Variants in TSHR observed in about 807,000 individuals in gnomAD.
TSHR encodes thyrotropin receptor.
TSHR carries 51 observed loss-of-function variants against 64.1 expected under a neutral mutation model. That is an observed-to-expected ratio of 0.80 (90% CI 0.64 to 1.01). The LOEUF is 1.01. Among genes scored for constraint, TSHR ranks in the 50% least tolerant of loss-of-function variants. The probability of loss-of-function intolerance (pLI) is 0.00; values close to 1 mark genes in which losing one functional copy is unlikely to be tolerated. For synonymous variants in TSHR, 361 were observed against 361.9 expected (o/e 1.00, Z 0.03); for missense variants, 877 against 942.8 (o/e 0.93, Z 0.91).
intron 8 of TSHR, among the ~76,000 whole-genome samples, chr14:81,128,995 C>T (rs776167061): frequency 6.6e-6 from 1 of 152,108 alleles, no homozygotes; most frequent in Non-Finnish European, 1.5e-5. Context: ...ACAGAGGATA[C>T]TCCCTAACCC....
At chr14:80,982,826 G>GTAGA in intron 1 of TSHR, 1 of 513,452 alleles carries the variant, frequency 1.9e-6, no homozygotes, top group Admixed American at 2.8e-5. Flanking sequence ...ATCCCTGAGT[G>GTAGA]TCCTTTTGGT....
chr14:81,056,784 T>C (rs17111394), intron 1 of TSHR, among the ~76,000 whole-genome samples: 20,057 of 152,208 alleles, frequency 0.13, 1,591 homozygotes, highest in Non-Finnish European at 0.18. Context: ...CCACTTGGAT[T>C]CTGGCCAGTA....
At chr14:81,071,572 T>A (rs1887069737) in intron 3 of TSHR, among the ~76,000 whole-genome samples, 1 of 152,106 alleles carries the variant, frequency 6.6e-6, no homozygotes, top group Admixed American at 6.6e-5. Context: ...TCAGCCAGCC[T>A]GGACAACATA....
At chr14:81,032,703 G>A (rs751894129) in intron 1 of TSHR, 1 of 427,962 alleles carries the variant, frequency 2.3e-6, no homozygotes, top group Non-Finnish European at 4.6e-6. Context: ...CAAGAAGAAG[G>A]GACTCATGCC....
chr14:80,986,536 G>T (rs1429205723), intron 1 of TSHR, among the ~76,000 whole-genome samples: 1 of 152,046 alleles, frequency 6.6e-6, no homozygotes, highest in Non-Finnish European at 1.5e-5. Flanking sequence ...GCCTAGGCTG[G>T]AGTGTAATGG....
At chr14:81,007,343 G>A (rs1387128470) in intron 1 of TSHR, among the ~76,000 whole-genome samples, 1 of 152,196 alleles carries the variant, frequency 6.6e-6, no homozygotes, top group Non-Finnish European at 1.5e-5. Context: ...TAGTCATCAG[G>A]TCTCCCTGAG....
chr14:81,030,590 A>G (rs572293772), intron 1 of TSHR, among the ~76,000 whole-genome samples: 28 of 152,326 alleles, frequency 1.8e-4, no homozygotes, highest in Admixed American at 2.0e-4. Context: ...TTCTCTTACC[A>G]GTAGTTTTTC....
chr14:80,959,594 C>A (rs2139682549), intron 1 of TSHR: 1 of 152,326 alleles, frequency 6.6e-6, no homozygotes, highest in South Asian at 2.1e-4. Flanking sequence ...TTTAACCCTG[C>A]TTTCAGTTTC....
chr14:81,016,238 C>A (rs777879155), intron 1 of TSHR, among the ~76,000 whole-genome samples: 32 of 152,114 alleles, frequency 2.1e-4, no homozygotes, highest in Admixed American at 3.9e-4. Flanking sequence ...TGCAATCCTA[C>A]CAACAGTCCA....
chr14:81,111,292 T>C lies in TSHR; in HGVS notation c.692+2840T>C, dbSNP rs1053305585. Among the ~76,000 whole-genome samples the C allele has an allele frequency of 1.3e-5, 2 of 152,194 alleles. 1 individual carries two copies. The highest frequency in any genetic ancestry group is 1.3e-4 in the Admixed American group (2 of 15,290). ...GTGTGTTTAGTTGAAGTAGCTGGCT[T>C]ACATCCAGCATACGCTTCTTATCCT... On this transcript the variant is annotated intron_variant, in intron 8 of 9. Transcript: ENST00000298171.
At chr14:81,088,322 T>C (rs1888445453) in intron 4 of TSHR, among the ~76,000 whole-genome samples, 1 of 152,186 alleles carries the variant, frequency 6.6e-6, no homozygotes, top group South Asian at 2.1e-4. Flanking sequence ...AACAAAATTC[T>C]GAGAGCCAGT....
At chr14:80,967,490 G>A (rs1391245031) in intron 1 of TSHR, among the ~76,000 whole-genome samples, 3 of 151,878 alleles carry the variant, frequency 2.0e-5, no homozygotes, top group Non-Finnish European at 4.4e-5. Context: ...TCACCATGTT[G>A]GTCAGGCTGA....
chr14:80,966,283 G>A (rs1028801544), intron 1 of TSHR, among the ~76,000 whole-genome samples: 1 of 152,084 alleles, frequency 6.6e-6, no homozygotes, highest in Non-Finnish European at 1.5e-5. Context: ...CTAAGGACGG[G>A]CATAAATGAG....
intron 1 of TSHR, among the ~76,000 whole-genome samples, chr14:81,037,364 A>T (rs72689920): frequency 0.11 from 15,775 of 146,076 alleles, 1,194 homozygotes; most frequent in Non-Finnish European, 0.16. Flanking sequence ...TACAAAAAAA[A>T]TCACCAAACC....
chr14:81,037,583 T>C (rs1884709860), intron 1 of TSHR, among the ~76,000 whole-genome samples: 1 of 152,098 alleles, frequency 6.6e-6, no homozygotes, highest in Non-Finnish European at 1.5e-5. Context: ...CCCAACTATA[T>C]GCTACCTACA....
intron 8 of TSHR, among the ~76,000 whole-genome samples, chr14:81,112,193 T>C (rs938515660): frequency 6.6e-6 from 1 of 152,198 alleles, no homozygotes; most frequent in South Asian, 2.1e-4. Flanking sequence ...AGTTTTCTCA[T>C]CTGTCGAAAC....
At chr14:81,008,464 A>G (rs924259969) in intron 1 of TSHR, among the ~76,000 whole-genome samples, 1 of 152,106 alleles carries the variant, frequency 6.6e-6, no homozygotes, top group Non-Finnish European at 1.5e-5. Flanking sequence ...GAGCCACTGC[A>G]CCTGGCTTTG....
chr14:80,995,615 G>T (rs1281966069), intron 1 of TSHR: 1 of 152,052 alleles, frequency 6.6e-6, no homozygotes, highest in Admixed American at 6.6e-5. Flanking sequence ...CTTATAAGTG[G>T]GAGTTAAATT....
At chr14:80,988,084 T>C (rs945717118) in intron 1 of TSHR, among the ~76,000 whole-genome samples, 1 of 152,242 alleles carries the variant, frequency 6.6e-6, no homozygotes, top group Non-Finnish European at 1.5e-5. Flanking sequence ...TTGTCATCAT[T>C]AAAATCCCAA....
Sources: allele counts gnomAD v4.1 joint callset (sites outside exome capture counted in the v4.1 genomes callset), GRCh38; gene constraint gnomAD v4.1.1; transcripts MANE v1.5; gene names NCBI Gene and HGNC (gene_info 2026-07-23, HGNC 2026-07-21).